The following DCDC1 variants were observed in gnomAD, a reference collection of about 807,000 sequenced individuals.
The protein encoded by DCDC1 is doublecortin domain-containing protein 1.
A neutral mutation model predicts 178.3 loss-of-function variants in DCDC1; 200 were observed. The observed-to-expected ratio is 1.12, with a 90% CI of 1.00 to 1.26. The LOEUF is 1.26. Ranked by LOEUF, DCDC1 falls within the 50% of genes most tolerant of loss-of-function variation. The pLI is 0.00. For missense variants in DCDC1, 1,983 were observed against 1,749.2 expected, an observed-to-expected ratio of 1.13 and a Z score of -2.38; for synonymous variants, 690 against 604.8, an observed-to-expected ratio of 1.14 and a Z score of -2.07.
chr11:31,022,643 T>TTGTGTGTGCG, intron 20 of DCDC1, among the ~76,000 whole-genome samples: 1 of 120,950 alleles, frequency 8.3e-6, no homozygotes, highest in East Asian at 2.3e-4. Context: ...GTCTTTTAGT[T>TTGTGTGTGCG]TGTGTGTGTG....
intron 1 of DCDC1, among the ~76,000 whole-genome samples, chr11:31,360,620 C>A (rs1951660210): frequency 6.6e-6 from 1 of 152,102 alleles, no homozygotes; most frequent in African/African-American, 2.4e-5. Flanking sequence ...TCTCATTTTA[C>A]AATACTTACC....
At chr11:31,087,140 C>T (rs1957529400) in intron 17 of DCDC1, among the ~76,000 whole-genome samples, 1 of 152,004 alleles carries the variant, frequency 6.6e-6, no homozygotes, top group African/African-American at 2.4e-5. Flanking sequence ...TGGTCTTTAC[C>T]ACCTAAATGA....
chr11:30,915,285 C>T (rs1945753102), intron 27 of DCDC1, among the ~76,000 whole-genome samples: 1 of 152,152 alleles, frequency 6.6e-6, no homozygotes, highest in Non-Finnish European at 1.5e-5. Flanking sequence ...AGGGAACATT[C>T]CTCCTCTGAA....
rs4582940 is a variant in DCDC1 at position 31,354,180 on chromosome 11, G to A, written c.-125+15517C>T. ...ATGTGCCTGTAGTACCAGCTACTCA[G>A]GAGGCTGAGGCAGGAGAATCTCCTG... is the stretch of plus-strand genomic sequence containing the variant. On this transcript the variant is annotated intron_variant, in intron 1 of 38. Coordinates refer to ENST00000684477, the MANE Select transcript of DCDC1 (RefSeq NM_001387274.1). Among the ~76,000 whole-genome samples, 314 of 152,264 alleles carry A rather than the reference G, an allele frequency of 2.1e-3. 4 individuals carry two copies. Among genetic ancestry groups the A allele is most frequent in the African/African-American group, 7.1e-3 (296 of 41,562 alleles).
chr11:31,040,594 T>C (rs924623651), intron 20 of DCDC1, among the ~76,000 whole-genome samples: 4 of 152,178 alleles, frequency 2.6e-5, no homozygotes, highest in Non-Finnish European at 5.9e-5. Flanking sequence ...GGTTCAAATA[T>C]TTTCTACTGA....
intron 10 of DCDC1, among the ~76,000 whole-genome samples, chr11:31,134,373 T>C (rs1367644229): frequency 6.6e-6 from 1 of 152,216 alleles, no homozygotes; most frequent in Non-Finnish European, 1.5e-5. Flanking sequence ...CTGAGGATAC[T>C]AAGGCAGGTC....
At chr11:31,256,103 T>C (rs192946142) in intron 8 of DCDC1, among the ~76,000 whole-genome samples, 18 of 152,340 alleles carry the variant, frequency 1.2e-4, no homozygotes, top group African/African-American at 4.3e-4. Flanking sequence ...TGAATGGTCT[T>C]GACACCTTTG....
chr11:31,062,800 TTTA>T (rs1956011183), intron 20 of DCDC1, among the ~76,000 whole-genome samples: 1 of 151,788 alleles, frequency 6.6e-6, no homozygotes, highest in Non-Finnish European at 1.5e-5. Context: ...TTTTTAAAAT[TTTA>T]TTATTATTAT....
intron 9 of DCDC1, among the ~76,000 whole-genome samples, chr11:31,196,143 T>G (rs947810703): frequency 2.6e-5 from 4 of 151,986 alleles, no homozygotes; most frequent in African/African-American, 9.7e-5. Flanking sequence ...ACATTTCCTC[T>G]TCCCATCTTA....
chr11:31,043,823 C>CTTT (rs61372876), intron 20 of DCDC1, among the ~76,000 whole-genome samples: 2 of 142,324 alleles, frequency 1.4e-5, no homozygotes, highest in African/African-American at 2.6e-5. Context: ...TTTTTGTTTT[C>CTTT]TTTTTTTTTT....
At chr11:30,887,020 T>C (rs1480585416) in intron 36 of DCDC1, among the ~76,000 whole-genome samples, 1 of 152,140 alleles carries the variant, frequency 6.6e-6, no homozygotes, top group East Asian at 1.9e-4. Flanking sequence ...ATAAATTCAA[T>C]CTATGGTTAT....
chr11:31,206,517 G>A (rs937284622), intron 9 of DCDC1, among the ~76,000 whole-genome samples: 1 of 152,170 alleles, frequency 6.6e-6, no homozygotes, highest in African/African-American at 2.4e-5. Context: ...AGGCTCAAGT[G>A]ATTCTCCTGC....
intron 21 of DCDC1, among the ~76,000 whole-genome samples, chr11:30,940,328 C>T (rs1947550652): frequency 1.3e-5 from 2 of 152,136 alleles, no homozygotes; most frequent in Non-Finnish European, 2.9e-5. Flanking sequence ...GCCAGACCCC[C>T]AGTTGTTATG....
chr11:31,178,098 T>A (rs1265130942), intron 9 of DCDC1, among the ~76,000 whole-genome samples: 1 of 152,180 alleles, frequency 6.6e-6, no homozygotes, highest in East Asian at 1.9e-4. Context: ...CAATGGCACA[T>A]GAAACATCTC....
chr11:31,086,091 T>C (rs1957457252), intron 17 of DCDC1, among the ~76,000 whole-genome samples: 1 of 152,164 alleles, frequency 6.6e-6, no homozygotes, highest in African/African-American at 2.4e-5. Context: ...TATGCTTTCA[T>C]TTTCTTTGCA....
intron 9 of DCDC1, among the ~76,000 whole-genome samples, chr11:31,224,349 A>G (rs1467422418): frequency 6.6e-6 from 1 of 152,008 alleles, no homozygotes; most frequent in Middle Eastern, 3.2e-3. Context: ...CCCACCTTAT[A>G]CAAAACTCAA....
intron 9 of DCDC1, among the ~76,000 whole-genome samples, chr11:31,186,881 G>T (rs537956197): frequency 6.6e-6 from 1 of 152,110 alleles, no homozygotes; most frequent in South Asian, 2.1e-4. Context: ...TGGCCAGTTT[G>T]GTAATGCATC....
At chr11:31,279,987 C>T (rs1262346253) in intron 7 of DCDC1, among the ~76,000 whole-genome samples, 3 of 151,836 alleles carry the variant, frequency 2.0e-5, no homozygotes, top group African/African-American at 7.3e-5. Flanking sequence ...ATTTTGCCTG[C>T]CTAAAATAAA....
intron 32 of DCDC1, among the ~76,000 whole-genome samples, chr11:30,902,943 G>A (rs1944799737): frequency 6.6e-6 from 1 of 152,154 alleles, no homozygotes; most frequent in Non-Finnish European, 1.5e-5. Context: ...CATGCAGTGT[G>A]TCCAAAAATG....
Sources: allele counts gnomAD v4.1 joint callset (sites outside exome capture counted in the v4.1 genomes callset), GRCh38; gene constraint gnomAD v4.1.1; transcripts MANE v1.5; gene names NCBI Gene and HGNC (gene_info 2026-07-23, HGNC 2026-07-21).